Variants in KIAA1755 observed in about 807,000 individuals in gnomAD.
The protein encoded by KIAA1755 is KIAA1755.
KIAA1755 carries 68 observed loss-of-function variants against 91.7 expected under a neutral mutation model. The observed-to-expected ratio is 0.74, with a 90% CI of 0.61 to 0.91. KIAA1755 has a LOEUF of 0.91. Ranked by LOEUF, KIAA1755 falls within the 40% of genes least tolerant of loss-of-function variation. KIAA1755 has a pLI of 0.00. For synonymous variants in KIAA1755, 610 were observed against 604.6 expected (o/e 1.01, Z -0.13); for missense variants, 1,535 against 1,494.4 (o/e 1.03, Z -0.45).
At position 38,259,238 on chromosome 20, in the gene KIAA1755, C is replaced by A. The variant is rs112758734; in HGVS notation, c.3+1260G>T. On this transcript the variant is annotated intron_variant, in intron 1 of 13. Transcript: ENST00000279024. Reference sequence around the variant, plus strand: ...GGCTTATGAGAGTATTTTCAAACAGCTCCAAGAGCCATGTGTGTGTACACC... The same window carrying A: ...GGCTTATGAGAGTATTTTCAAACAGATCCAAGAGCCATGTGTGTGTACACC... Among the ~76,000 whole-genome samples, 514 of 152,254 alleles carry A rather than the reference C, an allele frequency of 3.4e-3. 2 individuals carry two copies. Among genetic ancestry groups the A allele is most frequent in the African/African-American group, 0.011 (475 of 41,530 alleles).
chr20:38,237,645 T>C (rs557618571), intron 4 of KIAA1755, among the ~76,000 whole-genome samples: 1 of 148,708 alleles, frequency 6.7e-6, no homozygotes, highest in African/African-American at 2.5e-5. Flanking sequence ...TGGTGGAGGG[T>C]GGGGAGACAT....
Position 38,241,156 on chromosome 20 carries a change from C to T in KIAA1755, c.975G>A (p.Glu325=). 1 of 1,614,176 alleles carries T rather than the reference C, an allele frequency of 6.2e-7. No individual in the cohort carries two copies. Among genetic ancestry groups the T allele is most frequent in the Non-Finnish European group, 8.5e-7 (1 of 1,180,020 alleles). The part of the protein sequence containing the change: ...PLFQKILPLS[E]ANEGPSLGNR... ...TTCCCAAGGAAGGTCCTTCATTGGC[C>T]TCTGAGAGAGGCAGTATCTTTTGAA... The change falls in exon 3 of 14, where the codon GAG becomes GAA. Residue 325 remains glutamate, a synonymous_variant. Coordinates refer to ENST00000279024, the MANE Select transcript of KIAA1755 (RefSeq NM_001029864.2).
intron 9 of KIAA1755, chr20:38,223,069 C>A: frequency 4.3e-6 from 1 of 233,680 alleles, no homozygotes; most frequent in South Asian, 5.2e-5. Context: ...CTCCTTGCTA[C>A]TCCTGAACAC....
rs751492313 is a variant in KIAA1755, at chr20:38,219,787, T to G, written c.2418-19A>C. 1 of 1,613,490 alleles carries G rather than the reference T, an allele frequency of 6.2e-7. No homozygotes were observed. ...ATGGCTCCTGGGAGGTGGGCGGAGG[T>G]GAGAAAAGGCCTCTGTTGCCCTCTT... On this transcript the variant is annotated intron_variant, in intron 10 of 13. Transcript: ENST00000279024.
intron 9 of KIAA1755, chr20:38,223,229 C>T (rs2075693622): frequency 4.7e-6 from 1 of 213,222 alleles, no homozygotes; most frequent in African/African-American, 2.3e-5. Flanking sequence ...CTCATTATTC[C>T]CAATCTTACT....
chr20:38,260,037 C>A, intron 1 of KIAA1755: 1 of 323,954 alleles, frequency 3.1e-6, no homozygotes, highest in Non-Finnish European at 5.3e-6. Flanking sequence ...TCCTTTTCAC[C>A]CTGGACCCTT....
At chr20:38,250,596 C>A (rs1201966982) in intron 1 of KIAA1755, among the ~76,000 whole-genome samples, 1 of 151,158 alleles carries the variant, frequency 6.6e-6, no homozygotes, top group Non-Finnish European at 1.5e-5. Context: ...AAAACAGTTC[C>A]CCTGTATGGA....
At chr20:38,246,226 A>G in intron 1 of KIAA1755, 100 bp from the exon 2 acceptor site, 2 of 977,104 alleles carry the variant, frequency 2.0e-6, no homozygotes, top group Non-Finnish European at 3.1e-6. Context: ...GGCCCCTGCT[A>G]ATTCTCTGAC....
At chr20:38,236,628 C>T (rs938144223) in intron 4 of KIAA1755, among the ~76,000 whole-genome samples, 6 of 152,178 alleles carry the variant, frequency 3.9e-5, no homozygotes, top group African/African-American at 1.4e-4. Flanking sequence ...AGTGGCCATC[C>T]ATGCCAAATG....
intron 8 of KIAA1755, 52 bp downstream of exon 8, chr20:38,225,613 A>G: frequency 1.9e-6 from 2 of 1,070,498 alleles, no homozygotes; most frequent in Non-Finnish European, 2.9e-6. Context: ...AAGAGTGAAG[A>G]GAAGAAGAGA....
At chr20:38,247,029 G>A (rs1475067018) in intron 1 of KIAA1755, among the ~76,000 whole-genome samples, 1 of 152,084 alleles carries the variant, frequency 6.6e-6, no homozygotes, top group African/African-American at 2.4e-5. Context: ...CCAGAAGGCA[G>A]TCAGCCCGTC....
chr20:38,260,223 A>T, intron 1 of KIAA1755: 1 of 1,478,396 alleles, frequency 6.8e-7, no homozygotes, highest in African/African-American at 1.4e-5. Flanking sequence ...ATTCAGGCTC[A>T]GGTCTAGGGG....
Position 38,213,214 on chromosome 20 carries a change from T to C in KIAA1755, c.3431A>G (p.Lys1144Arg). 6.2e-7 allele frequency: 1 copy of C among 1,613,400 alleles called. No individual in the cohort carries two copies. The highest frequency in any genetic ancestry group is 8.5e-7 in the Non-Finnish European group (1 of 1,180,006). ...ATGCTCGCGGGCAGGGTCAGGCAGC[T>C]TGTGGGAGCCTTTGCCGTCTTCAGC... ...AEAEDGKGSH[K>R]LPDPAREHLL... The change falls in exon 14 of 14, where the codon AAG becomes AGG. Residue 1144 changes from lysine to arginine, a missense_variant. By Grantham distance (26) the Lys-to-Arg change is conservative. Coordinates refer to ENST00000279024, the MANE Select transcript of KIAA1755 (RefSeq NM_001029864.2).
At chr20:38,222,344 C>T in intron 10 of KIAA1755, 105 bp downstream of exon 10, 5 of 1,254,494 alleles carry the variant, frequency 4.0e-6, no homozygotes, top group Non-Finnish European at 4.5e-6. Flanking sequence ...AAGCTGGGCG[C>T]CCTCGGGGCT....
At chr20:38,222,639 TC>T in intron 9 of KIAA1755, 42 bp from the exon 10 acceptor site, 1 of 1,600,784 alleles carries the variant, frequency 6.2e-7, no homozygotes. Flanking sequence ...ATCCCCACTC[TC>T]CCTCTGCAAC....
chr20:38,258,964 A>C (rs1405949783), intron 1 of KIAA1755, among the ~76,000 whole-genome samples: 1 of 152,124 alleles, frequency 6.6e-6, no homozygotes, highest in African/African-American at 2.4e-5. Context: ...AGGCTTGGCA[A>C]ACACCAGGTG....
At position 38,241,069 on chromosome 20, in the gene KIAA1755, T is replaced by C; in HGVS notation, c.1062A>G (p.Arg354=). The change falls in exon 3 of 14, where the codon AGA becomes AGG. Residue 354 remains arginine, a synonymous_variant. Coordinates refer to ENST00000279024, the MANE Select transcript of KIAA1755 (RefSeq NM_001029864.2). ...EERPYNLGFR[R]KVNLKAPTHN... is the part of the protein sequence containing the mutation. ...GGGTGGGTGCTTTAAGATTGACCTT[T>C]CTCCTGAAGCCCAAATTATAGGGCC... is the stretch of plus-strand genomic sequence containing the variant. The C allele has an allele frequency of 6.2e-7, 1 of 1,614,104 alleles. No homozygotes were observed. Among genetic ancestry groups the C allele is most frequent in the Non-Finnish European group, 8.5e-7 (1 of 1,180,012 alleles).
chr20:38,252,980 C>T (rs1239319852), intron 1 of KIAA1755, among the ~76,000 whole-genome samples: 1 of 152,184 alleles, frequency 6.6e-6, no homozygotes, highest in African/African-American at 2.4e-5. Context: ...CCACAGGAAC[C>T]CAAACACCAG....
intron 7 of KIAA1755, 65 bp from the exon 8 acceptor site, chr20:38,225,846 G>A (rs1239092965): frequency 9.6e-6 from 9 of 932,676 alleles, no homozygotes; most frequent in Non-Finnish European, 1.4e-5. Flanking sequence ...AGAAGGTCCT[G>A]CCCAGATCCC....
Sources: gnomAD v4.1 joint callset for allele counts (sites outside exome capture counted in the v4.1 genomes callset) on GRCh38, gnomAD v4.1.1 for gene constraint, MANE v1.5 for transcripts, NCBI Gene and HGNC (gene_info 2026-07-23, HGNC 2026-07-21) for gene names.